Variants in LONRF2 observed in about 807,000 individuals in gnomAD.
LONRF2 encodes LON peptidase N-terminal domain and RING finger protein 2.
A neutral mutation model predicts 66.6 loss-of-function variants in LONRF2; 35 were observed. The observed-to-expected ratio is 0.53, with a 90% confidence interval of 0.40 to 0.70. LONRF2 has a LOEUF of 0.70. LONRF2 is among the 30% of genes least tolerant of loss of function. The probability of loss-of-function intolerance (pLI) is 0.00; values close to 1 mark genes in which losing one functional copy is unlikely to be tolerated. For missense variants in LONRF2, 902 were observed against 1,002.1 expected, an observed-to-expected ratio of 0.90 and a Z score of 1.35; for synonymous variants, 417 against 418.1, an observed-to-expected ratio of 1.00 and a Z score of 0.03.
chr2:100,285,205 AG>A (rs1390267354), intron 11 of LONRF2, among the ~76,000 whole-genome samples: 1 of 152,102 alleles, frequency 6.6e-6, no homozygotes, highest in East Asian at 1.9e-4. Context: ...TGCCGATAAG[AG>A]CTGGGAGGGT....
At chr2:100,292,608 T>C (rs910205079) in intron 9 of LONRF2, among the ~76,000 whole-genome samples, 6 of 152,334 alleles carry the variant, frequency 3.9e-5, no homozygotes, top group African/African-American at 1.4e-4. Flanking sequence ...TTCAGTGTTC[T>C]ATATTCTCAG....
rs1160695704 is a variant in LONRF2 at position 100,286,129 on chromosome 2, A to G, written c.2070+785T>C. ...TTTTCTGTGTTTGGAAAAAAAAAGA[A>G]TTCAGGCAGGGGGTAAAAGATAGAA... On this transcript the variant is annotated intron_variant, in intron 11 of 11. Coordinates refer to ENST00000393437, the MANE Select transcript of LONRF2 (RefSeq NM_198461.4). 4.6e-5 allele frequency among the ~76,000 whole-genome samples: 7 copies of G among 152,284 alleles called. No individual in the cohort carries two copies. In the South Asian group the frequency reaches 6.2e-4, roughly 14 times the overall value.
rs1674739875 is a variant in LONRF2, at chr2:100,281,680, A to C, written c.*2618T>G. The C allele has an allele frequency of 6.6e-6, 1 of 152,186 alleles. No homozygotes were observed. Among genetic ancestry groups the C allele is most frequent in the Non-Finnish European group, 1.5e-5 (1 of 68,028 alleles). 9.4% of individuals were successfully genotyped at this position (152,186 alleles called of 1,614,324 possible). A position where few individuals can be genotyped will look rare whatever the true frequency, so the allele number is the denominator to read the frequency against. Reference sequence around the variant, plus strand: ...GCTGCTATTACTCTTTTCTGCTTTGATTCCAATGTAACGAGAGCATGCCTA... The same window carrying C: ...GCTGCTATTACTCTTTTCTGCTTTGCTTCCAATGTAACGAGAGCATGCCTA... On this transcript the variant is annotated 3_prime_UTR_variant, in exon 12 of 12. Coordinates refer to ENST00000393437, the MANE Select transcript of LONRF2 (RefSeq NM_198461.4).
intron 7 of LONRF2, among the ~76,000 whole-genome samples, chr2:100,296,899 T>C (rs7588623): frequency 0.75 from 114,505 of 152,100 alleles, 44,268 homozygotes; most frequent in East Asian, 0.96. Flanking sequence ...GTCATTTATG[T>C]GCATGATGTG....
In LONRF2 at chr2:100,299,796, G is replaced by A. The variant is rs77866077; in HGVS notation, c.1188C>T (p.Ser396=). 1,843 of 1,613,988 alleles carry A rather than the reference G, an allele frequency of 1.1e-3. 21 individuals are homozygous for A. The African/African-American group carries it at 0.022, about 19-fold the overall frequency. ...CCGGAAACTGTCTCTTTAAGCCAGC[G>A]CTGGGTGCTGTTGGAAGGATGCTTT... The part of the protein sequence containing the change: ...ALESILPTAP[S]AGLKRQFPDD... The change falls in exon 5 of 12, where the codon AGC becomes AGT. Residue 396 remains serine (S), a synonymous_variant. Coordinates refer to ENST00000393437, the MANE Select transcript of LONRF2 (RefSeq NM_198461.4).
At chr2:100,291,282 T>G (rs1674955332) in intron 9 of LONRF2, among the ~76,000 whole-genome samples, 2 of 152,150 alleles carry the variant, frequency 1.3e-5, no homozygotes, top group Non-Finnish European at 2.9e-5. Context: ...CACAGGATCC[T>G]GTCCACAGAT....
Position 100,273,992 on chromosome 2 carries a change from A to C in LONRF2, c.*10306T>G, listed in dbSNP as rs1459320042. The C allele has an allele frequency of 6.6e-6, 1 of 152,220 alleles. No individual in the cohort carries two copies. Among genetic ancestry groups the C allele is most frequent in the Non-Finnish European group, 1.5e-5 (1 of 68,034 alleles). The allele number at this position is 152,220 out of a possible 1,614,324, so 9.4% of individuals were successfully genotyped here. On this transcript the variant is annotated 3_prime_UTR_variant, in exon 12 of 12. Transcript: ENST00000393437. ...TCACTGGTTGAACTGTTCACAGTAC[A>C]AAAAGGTGACAAAACTATGAAAGTG...
intron 2 of LONRF2, among the ~76,000 whole-genome samples, chr2:100,306,894 CTTT>C (rs34961905): frequency 1.5e-4 from 20 of 136,974 alleles, no homozygotes; most frequent in Admixed American, 1.1e-3. Flanking sequence ...CTTAAACTTA[CTTT>C]TTTTTTTTTT....
chr2:100,311,875 T>C (rs7425797), intron 1 of LONRF2, among the ~76,000 whole-genome samples: 64,460 of 151,984 alleles, frequency 0.42, 14,897 homozygotes, highest in East Asian at 0.71. Context: ...GAATTATCCT[T>C]ATGGTCCTAG....
Position 100,276,322 on chromosome 2 carries a change from C to G in LONRF2, c.*7976G>C, listed in dbSNP as rs1315896726. 1 of 152,080 alleles carries G rather than the reference C, an allele frequency of 6.6e-6. No homozygotes were observed. Among genetic ancestry groups the G allele is most frequent in the Non-Finnish European group, 1.5e-5 (1 of 68,012 alleles). 9.4% of individuals were successfully genotyped at this position (152,080 alleles called of 1,614,324 possible). On this transcript the variant is annotated 3_prime_UTR_variant, in exon 12 of 12. Coordinates refer to ENST00000393437, the MANE Select transcript of LONRF2 (RefSeq NM_198461.4). ...TACCCCTATAATCTTTTTAAAAAGG[C>G]AACTAAATATAAAATGGGGGGTGGA...
At chr2:100,295,932 T>C (rs13409545) in intron 7 of LONRF2, among the ~76,000 whole-genome samples, 43,060 of 152,102 alleles carry the variant, frequency 0.28, 7,148 homozygotes, top group East Asian at 0.46. Context: ...AATGTAAGAA[T>C]GATTACTTAT....
intron 7 of LONRF2, 106 bp from the exon 8 acceptor site, chr2:100,295,659 AG>A: frequency 8.7e-7 from 1 of 1,145,848 alleles, no homozygotes; most frequent in Non-Finnish European, 1.2e-6. Context: ...ATCTCTGAGC[AG>A]GTAAGAAGGA....
At chr2:100,289,759 T>G (rs1315159990) in intron 10 of LONRF2, among the ~76,000 whole-genome samples, 1 of 152,108 alleles carries the variant, frequency 6.6e-6, no homozygotes, top group Admixed American at 6.5e-5. Flanking sequence ...AAAAGGAGAT[T>G]TCTGTACCAG....
In LONRF2 at chr2:100,272,083, T is replaced by C. The variant is rs1244742941; in HGVS notation, c.*12215A>G. Among the ~76,000 whole-genome samples the C allele has an allele frequency of 6.6e-6, 1 of 152,222 alleles. No homozygotes were observed. Among genetic ancestry groups the C allele is most frequent in the Non-Finnish European group, 1.5e-5 (1 of 68,044 alleles). On this transcript the variant is annotated 3_prime_UTR_variant, in exon 12 of 12. Transcript: ENST00000393437. Reference sequence around the variant, plus strand: ...TTTAAATGACATTACCAATAATGACTTGTGAAAACTGAAACTTTTAGTCTA... The same window carrying C: ...TTTAAATGACATTACCAATAATGACCTGTGAAAACTGAAACTTTTAGTCTA...
intron 1 of LONRF2, among the ~76,000 whole-genome samples, chr2:100,313,211 T>G (rs968421588): frequency 6.6e-6 from 1 of 152,200 alleles, no homozygotes; most frequent in African/African-American, 2.4e-5. Context: ...ACAAGTTAAA[T>G]GAGCCAGGCG....
chr2:100,284,723 C>T (rs529567370), intron 11 of LONRF2, among the ~76,000 whole-genome samples: 118 of 152,318 alleles, frequency 7.7e-4, no homozygotes, highest in African/African-American at 2.7e-3. Flanking sequence ...GAAGCATCTT[C>T]CATGGGGAGA....
intron 10 of LONRF2, among the ~76,000 whole-genome samples, chr2:100,289,414 A>G (rs527707444): frequency 8.0e-4 from 120 of 150,114 alleles, no homozygotes; most frequent in African/African-American, 2.6e-3. Context: ...TACATGTTGC[A>G]TAAGTACAAT....
intron 4 of LONRF2, 65 bp from the exon 5 acceptor site, chr2:100,299,983 T>C: frequency 1.4e-6 from 1 of 731,254 alleles, no homozygotes; most frequent in South Asian, 1.7e-5. Flanking sequence ...AGAAAAAGAA[T>C]GCAGAAGCCT....
chr2:100,302,658 CAT>C (rs768919731), intron 3 of LONRF2, among the ~76,000 whole-genome samples: 5 of 152,142 alleles, frequency 3.3e-5, no homozygotes, highest in Non-Finnish European at 7.4e-5. Context: ...CCTTGCCTAA[CAT>C]GTGTCTTTAT....
Sources: allele counts gnomAD v4.1 joint callset (sites outside exome capture counted in the v4.1 genomes callset), GRCh38; gene constraint gnomAD v4.1.1; transcripts MANE v1.5; gene names NCBI Gene and HGNC (gene_info 2026-07-23, HGNC 2026-07-21).